The following ACOT11 variants were observed in gnomAD, a reference collection of about 807,000 sequenced individuals.
ACOT11 encodes acyl-coenzyme A thioesterase 11.
Under a neutral mutation model 77.5 loss-of-function variants are expected in ACOT11, and 69 were observed. That is an observed-to-expected ratio of 0.89 (90% CI 0.73 to 1.09). The LOEUF (loss-of-function observed/expected upper bound fraction) is 1.09. Ranked by LOEUF, ACOT11 falls within the 50% of genes least tolerant of loss-of-function variation. ACOT11 has a pLI of 0.00. For synonymous variants in ACOT11, 279 were observed against 313.0 expected (o/e 0.89, Z 1.15); for missense variants, 766 against 813.7 (o/e 0.94, Z 0.71).
intron 15 of ACOT11, among the ~76,000 whole-genome samples, chr1:54,622,275 C>CAAAA (rs34730286): frequency 1.2e-3 from 53 of 45,924 alleles, no homozygotes; most frequent in Non-Finnish European, 1.8e-3. Context: ...GACTCTGTCT[C>CAAAA]AAAAAAAAAA....
chr1:54,612,560 GA>G, downstream of ACOT11: 1 of 1,614,076 alleles, frequency 6.2e-7, no homozygotes, highest in East Asian at 2.2e-5. Flanking sequence ...CAGGGAAGGT[GA>G]CCCTCTGGGG....
At chr1:54,631,208 T>A (rs1644297974) in intron 16 of ACOT11, among the ~76,000 whole-genome samples, 1 of 152,172 alleles carries the variant, frequency 6.6e-6, no homozygotes, top group Non-Finnish European at 1.5e-5. Context: ...GCGACGTCTC[T>A]TAGTTCTATT....
chr1:54,567,579 T>C (rs552018944), intron 1 of ACOT11, among the ~76,000 whole-genome samples: 2 of 152,154 alleles, frequency 1.3e-5, no homozygotes, highest in South Asian at 2.1e-4. Context: ...GTGCCTGGCC[T>C]TTTTTCCCTA....
chr1:54,587,106 C>G (rs1419190277), intron 3 of ACOT11, among the ~76,000 whole-genome samples: 1 of 152,228 alleles, frequency 6.6e-6, no homozygotes, highest in Non-Finnish European at 1.5e-5. Flanking sequence ...AGAGGCCTTG[C>G]TGAGACTGGG....
intron 11 of ACOT11, 108 bp from the exon 12 acceptor site, chr1:54,604,238 G>A (rs1467379723): frequency 7.8e-6 from 8 of 1,021,334 alleles, no homozygotes; most frequent in East Asian, 2.5e-5. Flanking sequence ...CCCACCCACC[G>A]CCCAACCCAT....
chr1:54,599,527 G>GTCTA, intron 8 of ACOT11, 112 bp downstream of exon 8: 1 of 1,200,928 alleles, frequency 8.3e-7, no homozygotes. Flanking sequence ...TGCAGACAGG[G>GTCTA]TCTAAATCCC....
At chr1:54,612,820 A>C, downstream of ACOT11, 1 of 770,474 alleles carries the variant, frequency 1.3e-6, no homozygotes, top group Non-Finnish European at 2.1e-6. Context: ...GATCTATGAT[A>C]AGGTCAGAAG....
chr1:54,595,972 T>C (rs1256036361), intron 6 of ACOT11, among the ~76,000 whole-genome samples: 4 of 152,192 alleles, frequency 2.6e-5, no homozygotes, highest in African/African-American at 9.6e-5. Flanking sequence ...CTACTGGGCT[T>C]GGAGGCCGGA....
intron 7 of ACOT11, chr1:54,598,697 CA>C (rs1188779598): frequency 6.6e-6 from 1 of 152,162 alleles, no homozygotes; most frequent in African/African-American, 2.4e-5. Context: ...AAAAATTAGC[CA>C]GGTGTGGTGG....
chr1:54,620,251 C>T lies in ACOT11; in HGVS notation c.1630-10483C>T, dbSNP rs547598128. Among the ~76,000 whole-genome samples the T allele has an allele frequency of 6.6e-5, 10 of 152,306 alleles. 1 individual carries two copies. In the South Asian group the frequency reaches 2.1e-3, roughly 32 times the overall value. ...GGGGGCAGGTTCACAGAGAAGGGAA[C>T]ACTTAAGGAAGACCTTGAAGGATGG... On this transcript the variant is annotated intron_variant, in intron 15 of 16. Coordinates refer to the ACOT11 transcript ENST00000371316.
At chr1:54,552,335 G>A (rs1348554860) in intron 1 of ACOT11, among the ~76,000 whole-genome samples, 2 of 152,168 alleles carry the variant, frequency 1.3e-5, no homozygotes, top group African/African-American at 2.4e-5. Flanking sequence ...CTGAATGAAT[G>A]AGTGACCACA....
At chr1:54,561,986 G>A (rs1176877737) in intron 1 of ACOT11, among the ~76,000 whole-genome samples, 22 of 76,704 alleles carry the variant, frequency 2.9e-4, no homozygotes, top group African/African-American at 1.7e-3. Flanking sequence ...CAGTAGGGGC[G>A]GCCGGGCAGA....
chr1:54,614,803 G>A (rs759252009), downstream of ACOT11: 29 of 1,614,032 alleles, frequency 1.8e-5, 1 homozygote, highest in South Asian at 5.5e-5. Flanking sequence ...GTCAGCTGCC[G>A]CAGGAGGTCC....
intron 1 of ACOT11, among the ~76,000 whole-genome samples, chr1:54,553,900 G>A (rs1189765438): frequency 6.6e-6 from 1 of 152,226 alleles, no homozygotes; most frequent in East Asian, 1.9e-4. Context: ...TACTCTGGGG[G>A]AGGTGGCTCG....
At chr1:54,586,764 G>T (rs1165166428) in intron 3 of ACOT11, among the ~76,000 whole-genome samples, 1 of 151,962 alleles carries the variant, frequency 6.6e-6, no homozygotes, top group Non-Finnish European at 1.5e-5. Context: ...TTTAATGGCT[G>T]TACAGAATAG....
At chr1:54,586,578 C>A (rs891697811) in intron 3 of ACOT11, among the ~76,000 whole-genome samples, 6 of 151,992 alleles carry the variant, frequency 3.9e-5, no homozygotes, top group African/African-American at 1.4e-4. Context: ...ATTACAGGTG[C>A]CTGCTACAAG....
At chr1:54,556,706 C>T (rs987267986) in intron 1 of ACOT11, among the ~76,000 whole-genome samples, 5 of 151,956 alleles carry the variant, frequency 3.3e-5, no homozygotes, top group African/African-American at 9.7e-5. Flanking sequence ...CTCAGTCCCC[C>T]GAGTAGCTGG....
intron 9 of ACOT11, among the ~76,000 whole-genome samples, chr1:54,602,201 G>A (rs923328759): frequency 1.3e-5 from 2 of 152,194 alleles, no homozygotes; most frequent in Admixed American, 6.5e-5. Flanking sequence ...TCCTGGCCTC[G>A]GCCCTTACCC....
exon 17 of ACOT11, chr1:54,637,866 A>G (rs1361998593): frequency 6.6e-6 from 1 of 152,176 alleles, no homozygotes; most frequent in Non-Finnish European, 1.5e-5. Flanking sequence ...TTTCTAGAAA[A>G]CTTTTCGAAT....
Sources: allele counts gnomAD v4.1 joint callset (sites outside exome capture counted in the v4.1 genomes callset), GRCh38; gene constraint gnomAD v4.1.1; transcripts MANE v1.5; gene names NCBI Gene and HGNC (gene_info 2026-07-23, HGNC 2026-07-21).